The following MICALL2 variants were observed in gnomAD, a reference collection of about 807,000 sequenced individuals.
MICALL2 encodes the protein MICAL-like protein 2.
Under a neutral mutation model 91.1 loss-of-function variants are expected in MICALL2, and 111 were observed. That is an observed-to-expected ratio of 1.22 (90% confidence interval 1.04 to 1.43). The LOEUF (loss-of-function observed/expected upper bound fraction) is 1.43, where lower values mean the gene tolerates loss of function less well. Among genes scored for constraint, MICALL2 ranks in the 40% most tolerant of loss-of-function variants. The pLI is 0.00. For missense variants in MICALL2, 1,556 were observed against 1,236.0 expected (o/e 1.26, Z -3.88); for synonymous variants, 694 against 525.3 (o/e 1.32, Z -4.39).
chr7:1,448,280 G>C (rs909211563), intron 3 of MICALL2, among the ~76,000 whole-genome samples: 7 of 152,278 alleles, frequency 4.6e-5, no homozygotes, highest in Non-Finnish European at 1.5e-5. Flanking sequence ...GGTCCAGATG[G>C]GCAAACTGAG....
intron 6 of MICALL2, among the ~76,000 whole-genome samples, chr7:1,442,704 G>A (rs976348027): frequency 2.7e-5 from 4 of 150,466 alleles, no homozygotes; most frequent in Admixed American, 6.6e-5. Context: ...CTGCCTCCCT[G>A]CAGCTCGCTC....
Position 1,437,553 on chromosome 7 carries a change from G to A in MICALL2, c.2458C>T (p.Arg820Trp), listed in dbSNP as rs200086992. ...QQLDIEGELR[R>W]LMAKPEALKS... is the part of the protein sequence containing the mutation. ...GACGCACCGGGCTTGGCCATGAGCC[G>A]GCGCAGCTCGCCCTCGATGTCCAGC... Residue 820 changes from arginine to tryptophan, a missense_variant, in exon 14 of 17, where the codon CGG becomes TGG. By Grantham distance (101) the Arg-to-Trp change is moderately radical (BLOSUM62 -3). Transcript: ENST00000297508. 297 of 1,531,130 alleles carry A rather than the reference G, an allele frequency of 1.9e-4. No homozygotes were observed. The African/African-American group carries it at 3.1e-3, about 16-fold the overall frequency. 94.8% of individuals were successfully genotyped at this position (1,531,130 alleles called of 1,614,324 possible). A position where few individuals can be genotyped will look rare whatever the true frequency, so the allele number is the denominator to read the frequency against.
At position 1,447,599 on chromosome 7, in the gene MICALL2, AC is replaced by A; in HGVS notation, c.500del (p.Gly167ValfsTer86). On this transcript the variant is annotated frameshift_variant, in exon 4 of 17. Transcript: ENST00000297508. LOFTEE classifies it high-confidence loss of function. Reference sequence around the variant, plus strand: ...CAGTCTTGGGGGGCGGGCCCCCTGCACCCTCATTCCTCCTCTGGACCACAGG... The same window carrying A: ...CAGTCTTGGGGGGCGGGCCCCCTGCACCTCATTCCTCCTCTGGACCACAGG... ...TNPVVQRRNE[G>X]AGGPPPKTDQ... The A allele has an allele frequency of 6.3e-7, 1 of 1,584,508 alleles. No individual in the cohort carries two copies. Among genetic ancestry groups the A allele is most frequent in the Non-Finnish European group, 8.6e-7 (1 of 1,165,864 alleles).
chr7:1,443,672 C>CAGAGACTGGA (rs981729718), intron 6 of MICALL2, among the ~76,000 whole-genome samples: 1 of 152,156 alleles, frequency 6.6e-6, no homozygotes, highest in Non-Finnish European at 1.5e-5. Flanking sequence ...GAAACGGAGG[C>CAGAGACTGGA]AGAGACTGGA....
chr7:1,447,827 T>C, intron 3 of MICALL2, 62 bp from the exon 4 acceptor site: 1 of 1,298,874 alleles, frequency 7.7e-7, no homozygotes. Context: ...GTCTAGTCCC[T>C]CCAGAGGTCC....
At chr7:1,459,055 G>A (rs1473301810) in intron 1 of MICALL2, 129 bp downstream of exon 1, 2 of 915,760 alleles carry the variant, frequency 2.2e-6, no homozygotes, top group African/African-American at 1.7e-5. Flanking sequence ...GGGGCTGCAC[G>A]GTGGGCTGTG....
Position 1,452,364 on chromosome 7 carries a change from C to G in MICALL2, c.144-2076G>C, listed in dbSNP as rs1314960136. On this transcript the variant is annotated intron_variant, in intron 1 of 16. Transcript: ENST00000297508. The surrounding 1 kb of genome is among the most constrained non-coding windows in gnomAD (Gnocchi z 6.2). ...GTGGGTGGCTGTCTATGCCCAGGGACTCTGCAGCCATGCTGGGCGTCAGCC... is the reference window on the plus strand; with the variant it reads ...GTGGGTGGCTGTCTATGCCCAGGGAGTCTGCAGCCATGCTGGGCGTCAGCC... 6.6e-6 allele frequency among the ~76,000 whole-genome samples: 1 copy of G among 152,054 alleles called. No homozygotes were observed. The highest frequency in any genetic ancestry group is 1.9e-4 in the East Asian group (1 of 5,164).
chr7:1,448,711 G>A lies in MICALL2; in HGVS notation c.243C>T (p.Ala81=), dbSNP rs757216696. The A allele has an allele frequency of 1.6e-5, 25 of 1,612,628 alleles. No individual in the cohort carries two copies. The highest frequency in any genetic ancestry group is 6.7e-5 in the African/African-American group (5 of 74,926). The change falls in exon 3 of 17, where the codon GCC becomes GCT. Residue 81 remains alanine (A), a synonymous_variant. Transcript: ENST00000297508. ...GCACCTTCAAGGCCACCATGTCCTC[G>A]GCATCCAGCAAGGCTGGGATGCCCA... The part of the protein sequence containing the change: ...EHLGIPALLD[A]EDMVALKVPD...
At chr7:1,437,254 G>A (rs1007313924) in intron 14 of MICALL2, 12 of 524,928 alleles carry the variant, frequency 2.3e-5, no homozygotes, top group East Asian at 6.9e-5. Flanking sequence ...TGCCTTGTGC[G>A]AATTGATTCG....
chr7:1,445,159 G>A lies in MICALL2; in HGVS notation c.911C>T (p.Pro304Leu), dbSNP rs760717397. ...CGTGGCGCTGGTGGCTGCAGGGTTG[G>A]GTGCAGCTGGAACGGAAGCCCTGGC... Reference protein sequence around the residue: ...SPARASVPAAPNPAATSATSV... With the variant: ...SPARASVPAALNPAATSATSV... The change falls in exon 6 of 17, where the codon CCC becomes CTC. Residue 304 changes from proline to leucine, a missense_variant. Physicochemically the swap from Pro to Leu is moderately conservative, Grantham distance 98 (BLOSUM62 -3). Coordinates refer to ENST00000297508, the MANE Select transcript of MICALL2 (RefSeq NM_182924.4). 3 of 1,577,740 alleles carry A rather than the reference G, an allele frequency of 1.9e-6. No individual in the cohort carries two copies. The highest frequency in any genetic ancestry group is 1.3e-5 in the African/African-American group (1 of 74,216).
rs375474896 is a variant in MICALL2 at position 1,442,357 on chromosome 7, G to A, written c.1546C>T (p.Pro516Ser). 9.3e-6 allele frequency: 15 copies of A among 1,612,402 alleles called. No homozygotes were observed. Among genetic ancestry groups the A allele is most frequent in the Non-Finnish European group, 1.3e-5 (15 of 1,179,312 alleles). Residue 516 changes from proline (P) to serine (S), a missense_variant, in exon 7 of 17, where the codon CCG (proline) becomes TCG (serine). Coordinates refer to ENST00000297508, the MANE Select transcript of MICALL2 (RefSeq NM_182924.4). Reference sequence around the variant, plus strand: ...CTGCTCGTGCTCAGCGGGGCTGGCGGTTCCATCCTCGAAGGGAGGCCAAGC... The same window carrying A: ...CTGCTCGTGCTCAGCGGGGCTGGCGATTCCATCCTCGAAGGGAGGCCAAGC... ...RVLGLPSRME[P>S]PAPLSTSSTS...
At position 1,436,874 on chromosome 7, in the gene MICALL2, C is replaced by A; in HGVS notation, c.2477-18G>T. 1 of 1,530,268 alleles carries A rather than the reference C, an allele frequency of 6.5e-7. No individual in the cohort carries two copies. The highest frequency in any genetic ancestry group is 8.8e-7 in the Non-Finnish European group (1 of 1,133,964). 94.8% of individuals were successfully genotyped at this position (1,530,268 alleles called of 1,614,324 possible). A position where few individuals can be genotyped will look rare whatever the true frequency, so the allele number is the denominator to read the frequency against. On this transcript the variant is annotated intron_variant, in intron 14 of 16. Coordinates refer to ENST00000297508, the MANE Select transcript of MICALL2 (RefSeq NM_182924.4). ...CAGAGCCTCTGTGGGGATGGCTCGTCAGCAGGAGCCCCCCCCACCACTGCC... is the reference window on the plus strand; with the variant it reads ...CAGAGCCTCTGTGGGGATGGCTCGTAAGCAGGAGCCCCCCCCACCACTGCC...
rs1257862683 is a variant in MICALL2, at chr7:1,437,599, G to C, written c.2412C>G (p.Ala804=). 5 of 1,538,898 alleles carry C rather than the reference G, an allele frequency of 3.2e-6. No homozygotes were observed. In the East Asian group the frequency reaches 1.2e-4, roughly 38 times the overall value. The stretch of plus-strand genomic sequence containing the variant: ...CCAGCTGCTGCTCCTCCAGACGCTG[G>C]GCCTTGGACCTGCCGCACAGACACG... The part of the protein sequence containing the change: ...QESELMYKSK[A]QRLEEQQLDI... The change falls in exon 14 of 17, where the codon GCC becomes GCG. Residue 804 remains alanine (A), a synonymous_variant. Transcript: ENST00000297508.
chr7:1,457,334 A>G (rs1377839951), intron 1 of MICALL2, among the ~76,000 whole-genome samples: 1 of 152,232 alleles, frequency 6.6e-6, no homozygotes, highest in East Asian at 1.9e-4. Context: ...CAGTGGGGAC[A>G]GAACCAAGTC....
Position 1,442,228 on chromosome 7 carries a change from G to C in MICALL2, c.1675C>G (p.Pro559Ala), listed in dbSNP as rs1483677754. Reference sequence around the variant, plus strand: ...GTGGTGCTTTTACCCTTTGCCATCGGGGCCTCTGGCTTCGGCCTGGAGCCA... The same window carrying C: ...GTGGTGCTTTTACCCTTTGCCATCGCGGCCTCTGGCTTCGGCCTGGAGCCA... ...GAGSRPKPEA[P>A]MAKGKSTTLT... is the part of the protein sequence containing the mutation. The change falls in exon 7 of 17, where the codon CCG (proline) becomes GCG (alanine). Residue 559 changes from proline to alanine, a missense_variant. Pro to Ala is a conservative substitution (Grantham distance 27, BLOSUM62 -1). Coordinates refer to ENST00000297508, the MANE Select transcript of MICALL2 (RefSeq NM_182924.4). The C allele has an allele frequency of 1.2e-6, 2 of 1,612,672 alleles. No individual in the cohort carries two copies. Among genetic ancestry groups the C allele is most frequent in the Non-Finnish European group, 8.5e-7 (1 of 1,179,938 alleles).
chr7:1,436,127 T>C (rs1364845717), intron 15 of MICALL2, among the ~76,000 whole-genome samples: 2 of 150,988 alleles, frequency 1.3e-5, no homozygotes, highest in East Asian at 2.0e-4. Flanking sequence ...CGGTGGCTCA[T>C]GCCTGTAATT....
chr7:1,436,313 C>T (rs988202642), intron 15 of MICALL2, among the ~76,000 whole-genome samples: 47 of 151,510 alleles, frequency 3.1e-4, no homozygotes, highest in Admixed American at 5.3e-4. Context: ...ACTCGGCAGA[C>T]GGAGGTTGCA....
In MICALL2 at chr7:1,456,174, G is replaced by A. The variant is rs1275453932; in HGVS notation, c.143+3010C>T. 6.6e-5 allele frequency among the ~76,000 whole-genome samples: 10 copies of A among 151,940 alleles called. 1 individual carries two copies. The highest frequency in any genetic ancestry group is 2.1e-4 in the South Asian group (1 of 4,822). ...GGCGGCTCACATCTGTAATCCCAGC[G>A]CTTCGGGAGGCTGAGGCAGGAGGAT... On this transcript the variant is annotated intron_variant, in intron 1 of 16. Coordinates refer to ENST00000297508, the MANE Select transcript of MICALL2 (RefSeq NM_182924.4).
intron 3 of MICALL2, 151 bp downstream of exon 3, chr7:1,448,469 C>T (rs1780691826): frequency 1.4e-6 from 1 of 710,974 alleles, no homozygotes; most frequent in East Asian, 2.6e-5. Context: ...CTTGCTGCTT[C>T]ACAGCCAGTG....
Sources: allele counts gnomAD v4.1 joint callset (sites outside exome capture counted in the v4.1 genomes callset), GRCh38; gene constraint gnomAD v4.1.1; non-coding constraint Gnocchi (gnomAD v3.1); transcripts MANE v1.5; gene names NCBI Gene and HGNC (gene_info 2026-07-23, HGNC 2026-07-21).